COL23A1: variants seen among roughly 807,000 people sequenced by gnomAD.
COL23A1 encodes the protein collagen type XXIII alpha 1 chain.
In COL23A1, 97 loss-of-function variants were observed where a neutral mutation model predicts 99.3. That is an observed-to-expected ratio of 0.98 (90% CI 0.83 to 1.16). COL23A1 has a LOEUF of 1.16. Ranked by LOEUF, COL23A1 falls within the 50% of genes most tolerant of loss-of-function variation. The pLI is 0.00. For synonymous variants in COL23A1, 320 were observed against 308.2 expected (o/e 1.04, Z -0.40); for missense variants, 762 against 757.4 (o/e 1.01, Z -0.07).
intron 2 of COL23A1, among the ~76,000 whole-genome samples, chr5:178,385,174 C>A (rs2060010928): frequency 6.6e-6 from 1 of 152,158 alleles, no homozygotes. Flanking sequence ...TCCTCAGGAA[C>A]TGGGGCTCAG....
At chr5:178,471,117 A>G (rs1370110389) in intron 2 of COL23A1, among the ~76,000 whole-genome samples, 1 of 152,214 alleles carries the variant, frequency 6.6e-6, no homozygotes, top group African/African-American at 2.4e-5. Context: ...GGGCACCCCA[A>G]TGGCTAATTT....
intron 2 of COL23A1, among the ~76,000 whole-genome samples, chr5:178,547,508 C>T (rs1371708708): frequency 7.3e-6 from 1 of 136,814 alleles, no homozygotes; most frequent in East Asian, 2.2e-4. Flanking sequence ...CCCATACACA[C>T]CCCCACACCC....
chr5:178,291,116 T>C (rs2127587071), intron 3 of COL23A1, among the ~76,000 whole-genome samples: 1 of 152,258 alleles, frequency 6.6e-6, no homozygotes, highest in African/African-American at 2.4e-5. Flanking sequence ...AGTGAGCGCA[T>C]GCTGGATGGA....
In COL23A1 at chr5:178,570,044, C is replaced by A. The variant is rs533392180; in HGVS notation, c.295-9296G>T. ...TGTATAAAGCATGTTCCCTAGGGAG[C>A]GGGAATGTTGGAGACCATCTTAGAA... On this transcript the variant is annotated intron_variant, in intron 1 of 28. Transcript: ENST00000390654. Among the ~76,000 whole-genome samples the A allele has an allele frequency of 1.3e-4, 19 of 151,912 alleles. No individual in the cohort carries two copies. The South Asian group carries it at 2.3e-3, about 18-fold the overall frequency.
intron 2 of COL23A1, among the ~76,000 whole-genome samples, chr5:178,474,931 C>G (rs1756949422): frequency 6.6e-6 from 1 of 152,238 alleles, no homozygotes. Context: ...GGGCCCCACT[C>G]CCTCTGAAGG....
At chr5:178,436,032 T>A (rs1766540946) in intron 2 of COL23A1, among the ~76,000 whole-genome samples, 1 of 152,236 alleles carries the variant, frequency 6.6e-6, no homozygotes, top group South Asian at 2.1e-4. Context: ...GCATGCTTAA[T>A]TCTGCCTGGG....
intron 8 of COL23A1, among the ~76,000 whole-genome samples, 184 bp from the exon 9 acceptor site, chr5:178,263,508 A>G (rs1395644665): frequency 6.6e-6 from 1 of 152,214 alleles, no homozygotes; most frequent in Admixed American, 6.5e-5. Flanking sequence ...ACAGGTCCCC[A>G]TACCTTGGTG....
chr5:178,408,989 C>T lies in COL23A1; in HGVS notation c.362-102070G>A, dbSNP rs867189217. Among the ~76,000 whole-genome samples, 248 of 141,914 alleles carry T rather than the reference C, an allele frequency of 1.7e-3. 2 individuals carry two copies. Among genetic ancestry groups the T allele is most frequent in the Middle Eastern group, 0.01 (3 of 286 alleles). The allele number at this position is 141,914 out of a possible 152,430, so 93.1% of individuals were successfully genotyped here. ...AAAAAAAAAAATACACACACACACA[C>T]ACACACACACACACACACACACACA... On this transcript the variant is annotated intron_variant, in intron 2 of 28. Transcript: ENST00000390654.
chr5:178,538,718 T>C (rs1190683040), intron 2 of COL23A1, among the ~76,000 whole-genome samples: 1 of 152,202 alleles, frequency 6.6e-6, no homozygotes, highest in Non-Finnish European at 1.5e-5. Context: ...GCAATTCCAG[T>C]CCTAGCTATC....
intron 2 of COL23A1, among the ~76,000 whole-genome samples, chr5:178,418,075 A>T (rs1209532580): frequency 1.3e-5 from 2 of 152,158 alleles, no homozygotes; most frequent in Non-Finnish European, 2.9e-5. Flanking sequence ...AGGACTTGGC[A>T]CTCATGTGCC....
chr5:178,317,599 G>C (rs148346159), intron 2 of COL23A1, among the ~76,000 whole-genome samples: 3 of 152,330 alleles, frequency 2.0e-5, no homozygotes, highest in Non-Finnish European at 4.4e-5. Flanking sequence ...TGAAGACACA[G>C]ACCATGCTTT....
rs1429217326 is a variant in COL23A1 at position 178,384,788 on chromosome 5, G to C, written c.362-77869C>G. On this transcript the variant is annotated intron_variant, in intron 2 of 28. Transcript: ENST00000390654. The surrounding 1 kb of genome is among the most constrained non-coding windows in gnomAD (Gnocchi z 5.5). ...TACCACCCGGGGACGGCCCAGAACA[G>C]CCTGGGGCTTGGAGTCCCCCTGAGG... Among the ~76,000 whole-genome samples, 1 of 152,238 alleles carries C rather than the reference G, an allele frequency of 6.6e-6. No homozygotes were observed. The highest frequency in any genetic ancestry group is 2.4e-5 in the African/African-American group (1 of 41,466).
At position 178,266,364 on chromosome 5, in the gene COL23A1, T is replaced by TGC. The variant is rs1755900073; in HGVS notation, c.522+941_522+942dup. ...CCATTAAGCCACTAAACTTTGTGTG[T>TGC]GCATGTGTGTGTGTGCGCATATGTG... On this transcript the variant is annotated intron_variant, in intron 8 of 28. Transcript: ENST00000390654. 2.0e-5 allele frequency among the ~76,000 whole-genome samples: 3 copies of TGC among 151,986 alleles called. No individual in the cohort carries two copies. In the South Asian group the frequency reaches 6.2e-4, roughly 32 times the overall value.
intron 2 of COL23A1, among the ~76,000 whole-genome samples, chr5:178,536,476 C>T (rs896242354): frequency 6.6e-6 from 1 of 152,238 alleles, no homozygotes; most frequent in Non-Finnish European, 1.5e-5. Flanking sequence ...CTTCAGTGTC[C>T]ACACTGTCTA....
intron 2 of COL23A1, among the ~76,000 whole-genome samples, chr5:178,491,816 C>A (rs1203255616): frequency 6.6e-6 from 1 of 152,024 alleles, no homozygotes; most frequent in Non-Finnish European, 1.5e-5. Context: ...CTCATAGCAA[C>A]CTCCGCCTCC....
chr5:178,281,116 C>T lies in COL23A1; in HGVS notation c.441+7208G>A, dbSNP rs559202664. Among the ~76,000 whole-genome samples the T allele has an allele frequency of 4.6e-5, 7 of 152,292 alleles. No homozygotes were observed. The highest frequency in any genetic ancestry group is 2.1e-4 in the South Asian group (1 of 4,822). ...AGGGACTCCGGAGTCGGCTTTCATC[C>T]GGTCTCAGCTTCACTAGAATCTGGG... On this transcript the variant is annotated intron_variant, in intron 5 of 28. Transcript: ENST00000390654. This position sits in a 1 kb window ranked among gnomAD's most constrained non-coding sequence, Gnocchi z 4.0.
chr5:178,338,154 T>G (rs566825035), intron 2 of COL23A1, among the ~76,000 whole-genome samples: 2 of 152,300 alleles, frequency 1.3e-5, no homozygotes, highest in African/African-American at 4.8e-5. Flanking sequence ...TAGCCATGAC[T>G]TTTTGGTATC....
intron 2 of COL23A1, among the ~76,000 whole-genome samples, chr5:178,355,255 T>C (rs1203167027): frequency 7.4e-6 from 1 of 134,954 alleles, no homozygotes; most frequent in Non-Finnish European, 1.6e-5. Flanking sequence ...CTCTCCAGTC[T>C]GGGCCACAAA....
intron 2 of COL23A1, among the ~76,000 whole-genome samples, chr5:178,432,646 AAG>A (rs1345803551): frequency 2.6e-5 from 4 of 152,134 alleles, no homozygotes; most frequent in African/African-American, 9.7e-5. Flanking sequence ...CCTCCAACTG[AAG>A]AGACTCAAGC....
Sources: allele counts gnomAD v4.1 joint callset (sites outside exome capture counted in the v4.1 genomes callset), GRCh38; gene constraint gnomAD v4.1.1; non-coding constraint Gnocchi (gnomAD v3.1); transcripts MANE v1.5; gene names NCBI Gene and HGNC (gene_info 2026-07-23, HGNC 2026-07-21).